Variants in BHMT observed in about 807,000 individuals in gnomAD.
BHMT encodes betaine--homocysteine S-methyltransferase 1.
A neutral mutation model predicts 49.5 loss-of-function variants in BHMT; 38 were observed. That is an observed-to-expected ratio of 0.77 (90% confidence interval 0.59 to 1.01). The LOEUF (loss-of-function observed/expected upper bound fraction) is 1.01, where lower values mean the gene tolerates loss of function less well. Ranked by LOEUF, BHMT falls within the 50% of genes least tolerant of loss-of-function variation. BHMT has a pLI of 0.00. For synonymous variants in BHMT, 166 were observed against 176.3 expected (o/e 0.94, Z 0.46); for missense variants, 426 against 495.7 (o/e 0.86, Z 1.34).
chr5:79,117,733 A>G (rs896239271), intron 2 of BHMT, among the ~76,000 whole-genome samples: 4 of 152,220 alleles, frequency 2.6e-5, no homozygotes, highest in East Asian at 1.9e-4. Flanking sequence ...AGCCTGTCAT[A>G]TAGTTGCTCC....
chr5:79,132,031 T>C lies in BHMT; in HGVS notation c.*915T>C, dbSNP rs1232428162. 6.6e-6 allele frequency: 1 copy of C among 152,130 alleles called. No individual in the cohort carries two copies. Among genetic ancestry groups the C allele is most frequent in the African/African-American group, 2.4e-5 (1 of 41,422 alleles). 9.4% of individuals were successfully genotyped at this position (152,130 alleles called of 1,614,324 possible). A position where few individuals can be genotyped will look rare whatever the true frequency, so the allele number is the denominator to read the frequency against. On this transcript the variant is annotated 3_prime_UTR_variant, in exon 8 of 8. Transcript: ENST00000274353. ...ATTAGTTGGTAGCTTTTAAAAAATA[T>C]AATAAGAAAAAAGTAGAGATTCTCC...
At chr5:79,122,034 C>G (rs1011736915) in intron 5 of BHMT, among the ~76,000 whole-genome samples, 2 of 151,564 alleles carry the variant, frequency 1.3e-5, no homozygotes, top group Non-Finnish European at 2.9e-5. Flanking sequence ...CTCCGCCTCC[C>G]AGGTTCAAGC....
At chr5:79,118,891 T>G (rs1201273260) in intron 2 of BHMT, among the ~76,000 whole-genome samples, 1 of 152,208 alleles carries the variant, frequency 6.6e-6, no homozygotes, top group Non-Finnish European at 1.5e-5. Context: ...AACCATGCAG[T>G]GCTGTAGTCA....
intron 1 of BHMT, among the ~76,000 whole-genome samples, chr5:79,115,384 G>T (rs1216694369): frequency 8.3e-6 from 1 of 120,786 alleles, no homozygotes; most frequent in Non-Finnish European, 2.0e-5. Flanking sequence ...TGTTGATAGA[G>T]TAAGAAGACT....
intron 3 of BHMT, among the ~76,000 whole-genome samples, chr5:79,119,768 A>T (rs1756439692): frequency 6.6e-6 from 1 of 152,190 alleles, no homozygotes. Context: ...CTACTTTGTG[A>T]TGTTGAACCA....
intron 3 of BHMT, 141 bp from the exon 4 acceptor site, chr5:79,120,209 A>G: frequency 1.3e-6 from 1 of 760,070 alleles, no homozygotes; most frequent in Non-Finnish European, 2.0e-6. Context: ...AACTTGGTAA[A>G]GCTTTGAACT....
intron 7 of BHMT, among the ~76,000 whole-genome samples, chr5:79,128,529 TAA>T (rs67257787): frequency 1.1e-4 from 16 of 140,114 alleles, no homozygotes; most frequent in Middle Eastern, 3.6e-3. Flanking sequence ...GACCCTGTTT[TAA>T]AAAAAAAAAA....
chr5:79,127,647 A>G, intron 6 of BHMT, 108 bp from the exon 7 acceptor site: 1 of 1,376,976 alleles, frequency 7.3e-7, no homozygotes, highest in Non-Finnish European at 9.7e-7. Flanking sequence ...TAAAAATTGA[A>G]TATTGAAAAC....
chr5:79,127,028 A>G (rs1222449473), intron 6 of BHMT, among the ~76,000 whole-genome samples: 1 of 152,218 alleles, frequency 6.6e-6, no homozygotes, highest in African/African-American at 2.4e-5. Flanking sequence ...CATTTGTGTT[A>G]CTTACTGCTG....
At chr5:79,113,847 G>A (rs959846739) in intron 1 of BHMT, among the ~76,000 whole-genome samples, 11 of 152,014 alleles carry the variant, frequency 7.2e-5, no homozygotes, top group Non-Finnish European at 1.3e-4. Flanking sequence ...CACTCAACAA[G>A]TGCATGAGCC....
At chr5:79,119,442 C>T (rs1756433908) in intron 3 of BHMT, 65 bp downstream of exon 3, 1 of 1,327,472 alleles carries the variant, frequency 7.5e-7, no homozygotes, top group Non-Finnish European at 1.1e-6. Flanking sequence ...AACAAAGCTC[C>T]CATAGAGAAA....
At chr5:79,121,923 A>G (rs1305317728) in intron 5 of BHMT, among the ~76,000 whole-genome samples, 2 of 151,874 alleles carry the variant, frequency 1.3e-5, no homozygotes, top group East Asian at 3.9e-4. Context: ...TGTTAAACCA[A>G]ATTAAGCAGA....
intron 7 of BHMT, 124 bp downstream of exon 7, chr5:79,128,107 C>T (rs1049578172): frequency 5.6e-5 from 67 of 1,190,926 alleles, no homozygotes; most frequent in Non-Finnish European, 7.7e-5. Context: ...AAATTCTCTC[C>T]CAGAGATGTT....
Position 79,127,878 on chromosome 5 carries a change from C to T in BHMT, c.932C>T (p.Ala311Val). The T allele has an allele frequency of 1.9e-6, 3 of 1,614,134 alleles. No homozygotes were observed. Among genetic ancestry groups the T allele is most frequent in the Non-Finnish European group, 2.5e-6 (3 of 1,180,026 alleles). ...GFEPYHIRAI[A>V]EELAPERGFL... ...GAGCCCTACCACATCAGGGCAATTG[C>T]AGAGGAGCTGGCCCCAGAAAGGGGC... Residue 311 changes from alanine to valine, a missense_variant, in exon 7 of 8, where the codon GCA becomes GTA. By Grantham distance (64) the Ala-to-Val change is moderately conservative (BLOSUM62 0). This residue lies in a region of BHMT where 32 missense variants were observed against 71.6 expected (regional missense o/e 0.45). Transcript: ENST00000274353.
At chr5:79,128,528 T>TAA (rs376054592) in intron 7 of BHMT, among the ~76,000 whole-genome samples, 43,539 of 132,632 alleles carry the variant, frequency 0.33, 7,918 homozygotes, top group African/African-American at 0.42. Context: ...AGACCCTGTT[T>TAA]TAAAAAAAAA....
chr5:79,129,626 T>C (rs980861624), intron 7 of BHMT, among the ~76,000 whole-genome samples: 14 of 152,068 alleles, frequency 9.2e-5, no homozygotes, highest in Admixed American at 7.9e-4. Flanking sequence ...GTAATCGCCA[T>C]GTGAGGAAGA....
intron 5 of BHMT, 135 bp from the exon 6 acceptor site, chr5:79,125,911 C>G (rs1756545143): frequency 1.1e-6 from 1 of 889,566 alleles, no homozygotes; most frequent in East Asian, 2.6e-5. Context: ...CTACTGCACT[C>G]CAGCCTGGGC....
intron 1 of BHMT, 71 bp downstream of exon 1, chr5:79,111,989 C>G: frequency 6.9e-7 from 1 of 1,449,958 alleles, no homozygotes; most frequent in Non-Finnish European, 9.2e-7. Flanking sequence ...CCTCTGGGAG[C>G]GCAGAGGGGC....
chr5:79,115,608 T>A (rs1756375996), intron 1 of BHMT, among the ~76,000 whole-genome samples, 159 bp from the exon 2 acceptor site: 1 of 152,196 alleles, frequency 6.6e-6, no homozygotes, highest in Non-Finnish European at 1.5e-5. Context: ...GTTGTTTGTC[T>A]TATAGATAGC....
Sources: allele counts gnomAD v4.1 joint callset (sites outside exome capture counted in the v4.1 genomes callset), GRCh38; gene constraint gnomAD v4.1.1; regional missense constraint gnomAD v4.1.1; transcripts MANE v1.5; gene names NCBI Gene and HGNC (gene_info 2026-07-23, HGNC 2026-07-21).